FAM177A1: variants seen among roughly 807,000 people sequenced by gnomAD.
The protein encoded by FAM177A1 is family with sequence similarity 177 member A1, also known as protein FAM177A1.
FAM177A1 carries 22 observed loss-of-function variants against 26.1 expected under a neutral mutation model. The ratio of observed to expected loss-of-function variants is 0.84; its 90% CI spans 0.60 to 1.20. The LOEUF (loss-of-function observed/expected upper bound fraction) is 1.20. Among genes scored for constraint, FAM177A1 ranks in the 50% most tolerant of loss-of-function variants. FAM177A1 has a pLI of 0.00. For missense variants in FAM177A1, 296 were observed against 291.1 expected, an observed-to-expected ratio of 1.02 and a Z score of -0.12; for synonymous variants, 95 against 99.3, an observed-to-expected ratio of 0.96 and a Z score of 0.26.
At chr14:35,076,778 C>T (rs1433684172) in intron 2 of FAM177A1, among the ~76,000 whole-genome samples, 1 of 152,102 alleles carries the variant, frequency 6.6e-6, no homozygotes, top group African/African-American at 2.4e-5. Context: ...TTTCTATTGA[C>T]TGAACACCCC....
At chr14:35,080,239 TC>T (rs1239337417) in intron 4 of FAM177A1, among the ~76,000 whole-genome samples, 2 of 152,216 alleles carry the variant, frequency 1.3e-5, no homozygotes, top group Non-Finnish European at 2.9e-5. Context: ...TGTCTTAACT[TC>T]CCTACTAAGT....
intron 2 of FAM177A1, among the ~76,000 whole-genome samples, chr14:35,076,927 C>T (rs893933705): frequency 1.3e-5 from 2 of 152,080 alleles, no homozygotes; most frequent in East Asian, 1.9e-4. Flanking sequence ...TTTTTTGATT[C>T]TTCTATGGGC....
chr14:35,080,224 T>C (rs1456556858), intron 4 of FAM177A1, among the ~76,000 whole-genome samples: 5 of 152,208 alleles, frequency 3.3e-5, no homozygotes, highest in Non-Finnish European at 7.3e-5. Flanking sequence ...AATACTGTTT[T>C]TACATGTCTT....
intron 2 of FAM177A1, among the ~76,000 whole-genome samples, chr14:35,057,084 C>T (rs1016371361): frequency 1.1e-4 from 16 of 152,122 alleles, no homozygotes; most frequent in Admixed American, 6.6e-5. Flanking sequence ...TTTCCTTCCT[C>T]TGTTTGCTTT....
chr14:35,078,441 T>C (rs1196935173), intron 3 of FAM177A1, among the ~76,000 whole-genome samples: 1 of 152,170 alleles, frequency 6.6e-6, no homozygotes, highest in Non-Finnish European at 1.5e-5. Flanking sequence ...AACCTCCACC[T>C]CCCAGTTTCA....
chr14:35,078,991 T>C lies in FAM177A1; in HGVS notation c.471T>C (p.Tyr157=), dbSNP rs764083493. The C allele has an allele frequency of 6.4e-7, 1 of 1,560,214 alleles. No homozygotes were observed. The highest frequency in any genetic ancestry group is 2.4e-5 in the East Asian group (1 of 41,534). ...GTATCAGCACCCCAAAGTACCAATA[T>C]GCCATTGATGAATATTATCGGATGA... The part of the protein sequence containing the change: ...VLGISTPKYQ[Y]AIDEYYRMKK... The change falls in exon 4 of 5, where the codon TAT becomes TAC. Residue 157 remains tyrosine, a synonymous_variant. Transcript: ENST00000280987.
chr14:35,065,546 T>C (rs898530574), intron 2 of FAM177A1, among the ~76,000 whole-genome samples: 1 of 152,038 alleles, frequency 6.6e-6, no homozygotes, highest in Non-Finnish European at 1.5e-5. Flanking sequence ...TTGAATCCTT[T>C]TATATAGACA....
chr14:35,047,154 A>C, intron 1 of FAM177A1: 3 of 295,290 alleles, frequency 1.0e-5, no homozygotes, highest in African/African-American at 2.2e-5. Flanking sequence ...CATAAATAGA[A>C]TGCAAGCTGC....
At chr14:35,068,894 G>A (rs1049096335) in intron 2 of FAM177A1, among the ~76,000 whole-genome samples, 2 of 152,156 alleles carry the variant, frequency 1.3e-5, no homozygotes, top group Admixed American at 1.3e-4. Flanking sequence ...GAGAGAGAAG[G>A]GGCCAGAGCT....
At chr14:35,078,315 C>G (rs2045427811) in intron 3 of FAM177A1, among the ~76,000 whole-genome samples, 2 of 152,158 alleles carry the variant, frequency 1.3e-5, no homozygotes, top group Non-Finnish European at 2.9e-5. Context: ...ACAAGCCATT[C>G]CCCTCCTCCA....
chr14:35,058,416 T>C (rs1456719829), intron 2 of FAM177A1, among the ~76,000 whole-genome samples: 1 of 152,162 alleles, frequency 6.6e-6, no homozygotes, highest in Non-Finnish European at 1.5e-5. Context: ...TATTGTTGAA[T>C]TGTCTATTTC....
At chr14:35,071,293 G>T (rs7154306) in intron 2 of FAM177A1, among the ~76,000 whole-genome samples, 27,256 of 151,740 alleles carry the variant, frequency 0.18, 2,587 homozygotes, top group East Asian at 0.37. Flanking sequence ...CACTGCACCC[G>T]GCCGACCTCC....
In FAM177A1 at chr14:35,081,020, A is replaced by T; in HGVS notation, c.505-2A>T. 1 of 1,586,734 alleles carries T rather than the reference A, an allele frequency of 6.3e-7. No homozygotes were observed. The highest frequency in any genetic ancestry group is 8.6e-7 in the Non-Finnish European group (1 of 1,169,380). The stretch of plus-strand genomic sequence containing the variant: ...ATTCTTGATATTGCTCCTTTTTTTT[A>T]GGAAGAAGAAGAAGAAGAAGAAAAC... On this transcript the variant is annotated splice_acceptor_variant, in intron 4 of 4. Coordinates refer to ENST00000280987, the MANE Select transcript of FAM177A1 (RefSeq NM_173607.5). LOFTEE classifies it high-confidence loss of function.
intron 4 of FAM177A1, among the ~76,000 whole-genome samples, chr14:35,079,814 G>A (rs1488533010): frequency 1.3e-5 from 2 of 152,244 alleles, no homozygotes; most frequent in East Asian, 3.9e-4. Flanking sequence ...CTAGAATGTA[G>A]AGGCATGAAG....
In FAM177A1 at chr14:35,082,814, G is replaced by A. The variant is rs1243435795; in HGVS notation, c.*1586G>A. On this transcript the variant is annotated 3_prime_UTR_variant, in exon 5 of 5. Transcript: ENST00000280987. ...AACATCAATATAGTGGGTCTGTAAT[G>A]GAAATCTGTCAATGAACATGAACTG... 6.6e-6 allele frequency: 1 copy of A among 152,108 alleles called. No individual in the cohort carries two copies. The highest frequency in any genetic ancestry group is 1.5e-5 in the Non-Finnish European group (1 of 68,020). 9.4% of individuals were successfully genotyped at this position (152,108 alleles called of 1,614,324 possible). A position where few individuals can be genotyped will look rare whatever the true frequency, so the allele number is the denominator to read the frequency against.
intron 2 of FAM177A1, among the ~76,000 whole-genome samples, chr14:35,070,314 G>C (rs941139453): frequency 6.8e-6 from 1 of 147,508 alleles, no homozygotes; most frequent in Non-Finnish European, 1.5e-5. Context: ...ATGAGCCACC[G>C]TGTCCGGCCT....
chr14:35,055,281 C>T (rs2045042400), intron 2 of FAM177A1, among the ~76,000 whole-genome samples: 1 of 147,404 alleles, frequency 6.8e-6, no homozygotes, highest in Admixed American at 6.8e-5. Flanking sequence ...CCAGCCTGGT[C>T]AACAAGGGTG....
intron 2 of FAM177A1, among the ~76,000 whole-genome samples, chr14:35,066,664 C>T (rs1026127420): frequency 6.6e-6 from 1 of 152,100 alleles, no homozygotes; most frequent in African/African-American, 2.4e-5. Context: ...CTCAGCCTCC[C>T]AAAGTGCTGG....
At chr14:35,065,356 TC>T (rs560010766) in intron 2 of FAM177A1, among the ~76,000 whole-genome samples, 11,387 of 141,380 alleles carry the variant, frequency 0.081, 760 homozygotes, top group African/African-American at 0.18. Context: ...TTCCATTGAA[TC>T]TTTTTTTTTT....
Sources: allele counts gnomAD v4.1 joint callset (sites outside exome capture counted in the v4.1 genomes callset), GRCh38; gene constraint gnomAD v4.1.1; transcripts MANE v1.5; gene names NCBI Gene and HGNC (gene_info 2026-07-23, HGNC 2026-07-21).